The following ASS1 variants were observed in gnomAD, a reference collection of about 807,000 sequenced individuals.
ASS1 encodes the protein argininosuccinate synthase.
A neutral mutation model predicts 60.5 loss-of-function variants in ASS1; 58 were observed. The observed-to-expected ratio is 0.96, with a 90% CI of 0.78 to 1.19. ASS1 has a LOEUF of 1.19. Among genes scored for constraint, ASS1 ranks in the 50% most tolerant of loss-of-function variants. ASS1 has a pLI of 0.00. For synonymous variants in ASS1, 200 were observed against 206.9 expected (o/e 0.97, Z 0.29); for missense variants, 454 against 547.3 (o/e 0.83, Z 1.70).
chr9:130,501,030 A>C lies in ASS1; in HGVS notation c.*9A>C, dbSNP rs1440124192. ...AGGTCACTGCCAAATAGACCCGTGT[A>C]CAATGAGGAGCTGGGGCCTCCTCAA... is the stretch of plus-strand genomic sequence containing the variant. On this transcript the variant is annotated 3_prime_UTR_variant, in exon 15 of 15. Coordinates refer to ENST00000352480, the MANE Select transcript of ASS1 (RefSeq NM_054012.4). The C allele has an allele frequency of 1.2e-6, 2 of 1,611,798 alleles. No individual in the cohort carries two copies. The highest frequency in any genetic ancestry group is 4.5e-5 in the East Asian group (2 of 44,876).
intron 5 of ASS1, 130 bp downstream of exon 5, chr9:130,464,297 G>A (rs1380755615): frequency 7.8e-6 from 9 of 1,155,244 alleles, no homozygotes; most frequent in East Asian, 5.0e-5. Flanking sequence ...GGTGCCCATC[G>A]GGTGGACAGC....
At chr9:130,485,184 CT>C (rs1846279210) in intron 11 of ASS1, among the ~76,000 whole-genome samples, 1 of 152,228 alleles carries the variant, frequency 6.6e-6, no homozygotes, top group Non-Finnish European at 1.5e-5. Flanking sequence ...GCGCCCTCCC[CT>C]CTCTGGACTG....
At chr9:130,495,472 TAC>T (rs71499245) in intron 13 of ASS1, among the ~76,000 whole-genome samples, 4,348 of 146,764 alleles carry the variant, frequency 0.03, 218 homozygotes, top group African/African-American at 0.1. Context: ...CACATACATA[TAC>T]ACACACACAC....
At chr9:130,495,444 C>CATATATATATATAT (rs142565065) in intron 13 of ASS1, among the ~76,000 whole-genome samples, 8 of 139,752 alleles carry the variant, frequency 5.7e-5, no homozygotes, top group African/African-American at 2.1e-4. Context: ...CACACACATA[C>CATATATATATATAT]ATATATATAT....
chr9:130,447,007 G>A (rs1483490430), intron 1 of ASS1, among the ~76,000 whole-genome samples: 1 of 152,194 alleles, frequency 6.6e-6, no homozygotes, highest in Non-Finnish European at 1.5e-5. Context: ...TGTGCCCTTC[G>A]TCCATCACCA....
At chr9:130,453,754 T>C (rs1186311787) in intron 2 of ASS1, among the ~76,000 whole-genome samples, 1 of 152,132 alleles carries the variant, frequency 6.6e-6, no homozygotes, top group Non-Finnish European at 1.5e-5. Context: ...GCAGGAAACA[T>C]GGCAGTGTCT....
At position 130,489,202 on chromosome 9, in the gene ASS1, T is replaced by C. The variant is rs1032672652; in HGVS notation, c.839-131T>C. On this transcript the variant is annotated intron_variant, in intron 11 of 14. Transcript: ENST00000352480. The surrounding 1 kb of genome is among the most constrained non-coding windows in gnomAD (Gnocchi z 4.1). ...TTGCAGCAAGCTGGGAGTGAATGGG[T>C]CCGGCCGGCTTGTCTCCTGTCAGAC... 7.0e-6 allele frequency: 9 copies of C among 1,287,904 alleles called. No individual in the cohort carries two copies. The highest frequency in any genetic ancestry group is 1.5e-5 in the African/African-American group (1 of 67,020). The allele number at this position is 1,287,904 out of a possible 1,614,324, so 79.8% of individuals were successfully genotyped here. A position where few individuals can be genotyped will look rare whatever the true frequency, so the allele number is the denominator to read the frequency against.
chr9:130,469,005 C>T (rs755105162), intron 6 of ASS1, among the ~76,000 whole-genome samples: 27 of 152,228 alleles, frequency 1.8e-4, no homozygotes, highest in Admixed American at 1.7e-3. Context: ...CTTTCCTCCC[C>T]GCCCTTTAGC....
chr9:130,455,135 T>TCATC (rs552414875), intron 3 of ASS1, among the ~76,000 whole-genome samples: 11 of 147,978 alleles, frequency 7.4e-5, no homozygotes, highest in Non-Finnish European at 1.3e-4. Context: ...TATTCATCCA[T>TCATC]CATCCATCCA....
At chr9:130,499,352 T>G (rs1056004771) in intron 13 of ASS1, among the ~76,000 whole-genome samples, 153 bp from the exon 14 acceptor site, 3 of 152,152 alleles carry the variant, frequency 2.0e-5, no homozygotes, top group Non-Finnish European at 1.5e-5. Context: ...GTACAGAAAT[T>G]CAATGGAAAG....
At chr9:130,474,064 C>CG (rs1845949086) in intron 8 of ASS1, among the ~76,000 whole-genome samples, 2 of 2,728 alleles carry the variant, frequency 7.3e-4, no homozygotes, top group Admixed American at 8.9e-3. Flanking sequence ...TCCCCCGCAC[C>CG]CCCCCCCCCC....
chr9:130,485,960 TG>T (rs1162213988), intron 11 of ASS1, among the ~76,000 whole-genome samples: 3 of 152,210 alleles, frequency 2.0e-5, no homozygotes, highest in African/African-American at 7.2e-5. Context: ...TTTTTGGCAC[TG>T]TCATGTTTGT....
chr9:130,473,799 C>T (rs1041937648), intron 8 of ASS1, among the ~76,000 whole-genome samples: 8 of 152,246 alleles, frequency 5.3e-5, no homozygotes, highest in African/African-American at 1.9e-4. Flanking sequence ...GCAGCTAATG[C>T]GAAGAAAGAT....
At chr9:130,493,662 T>C (rs1846508209) in intron 12 of ASS1, among the ~76,000 whole-genome samples, 1 of 152,198 alleles carries the variant, frequency 6.6e-6, no homozygotes, top group South Asian at 2.1e-4. Context: ...TCATGCGCCA[T>C]CTGGCCCTGC....
intron 3 of ASS1, among the ~76,000 whole-genome samples, chr9:130,456,469 A>T (rs935254012): frequency 2.0e-5 from 3 of 152,334 alleles, no homozygotes; most frequent in Admixed American, 1.3e-4. Flanking sequence ...TCTGTAAAAA[A>T]AACCAACCAA....
chr9:130,463,441 A>C (rs1405525710), intron 4 of ASS1, among the ~76,000 whole-genome samples: 1 of 152,172 alleles, frequency 6.6e-6, no homozygotes, highest in Non-Finnish European at 1.5e-5. Context: ...AGGCGAGGCA[A>C]CCTGCCCGAG....
intron 8 of ASS1, among the ~76,000 whole-genome samples, chr9:130,473,756 T>C (rs1313852910): frequency 1.3e-5 from 2 of 152,182 alleles, no homozygotes; most frequent in Non-Finnish European, 2.9e-5. Flanking sequence ...AGCCATTTTC[T>C]GCCTCCGTGA....
At chr9:130,500,443 G>C (rs993956994) in intron 14 of ASS1, among the ~76,000 whole-genome samples, 1 of 152,146 alleles carries the variant, frequency 6.6e-6, no homozygotes, top group African/African-American at 2.4e-5. Context: ...TTCTCATGGG[G>C]ATTGGAGTCT....
intron 11 of ASS1, among the ~76,000 whole-genome samples, chr9:130,484,047 C>T (rs1846239014): frequency 6.6e-6 from 1 of 152,134 alleles, no homozygotes; most frequent in Non-Finnish European, 1.5e-5. Flanking sequence ...CAGGATGGGG[C>T]CCGCCAGGCA....
Sources: gnomAD v4.1 joint callset for allele counts (sites outside exome capture counted in the v4.1 genomes callset) on GRCh38, gnomAD v4.1.1 for gene constraint, Gnocchi (gnomAD v3.1) non-coding constraint, MANE v1.5 for transcripts, NCBI Gene and HGNC (gene_info 2026-07-23, HGNC 2026-07-21) for gene names.